The following UBE2F variants were observed in gnomAD, a reference collection of about 807,000 sequenced individuals.
UBE2F encodes NEDD8-conjugating enzyme UBE2F.
UBE2F carries 5 observed loss-of-function variants against 29.6 expected under a neutral mutation model. That is an observed-to-expected ratio of 0.17 (90% CI 0.09 to 0.36). The LOEUF is 0.36. Among genes scored for constraint, UBE2F ranks in the 10% least tolerant of loss-of-function variants. UBE2F has a pLI of 1.00. For synonymous variants in UBE2F, 66 were observed against 81.8 expected (o/e 0.81, Z 1.04); for missense variants, 141 against 228.5 (o/e 0.62, Z 2.47).
At chr2:238,027,068 G>A (rs2064449987) in intron 6 of UBE2F, among the ~76,000 whole-genome samples, 1 of 152,178 alleles carries the variant, frequency 6.6e-6, no homozygotes, top group Admixed American at 6.5e-5. Context: ...TCAGAAATGG[G>A]TCCAGAATAG....
chr2:237,970,852 G>A (rs532783819), intron 1 of UBE2F, among the ~76,000 whole-genome samples: 1 of 152,188 alleles, frequency 6.6e-6, no homozygotes, highest in East Asian at 1.9e-4. Flanking sequence ...GGATTTACAG[G>A]CACCCGCCAC....
Position 237,991,609 on chromosome 2 carries a change from C to CTTTCTTTTTTTTTTTTTTTTTTTT in UBE2F, c.149-3132_149-3131insCTTTTTTTTTTTTTTTTTTTTTTT. Among the ~76,000 whole-genome samples the CTTTCTTTTTTTTTTTTTTTTTTTT allele has an allele frequency of 1.0e-3, 54 of 53,046 alleles. 4 individuals are homozygous for CTTTCTTTTTTTTTTTTTTTTTTTT. The highest frequency in any genetic ancestry group is 3.6e-3 in the East Asian group (4 of 1,102). 34.8% of individuals were successfully genotyped at this position (53,046 alleles called of 152,430 possible). A position where few individuals can be genotyped will look rare whatever the true frequency, so the allele number is the denominator to read the frequency against. ...AACCTTTCTTTTCTTTTCTTTCTTTCTTTTTTTTTTTTTGAGACAGTCTTG... is the reference window on the plus strand; with the variant it reads ...AACCTTTCTTTTCTTTTCTTTCTTTCTTTCTTTTTTTTTTTTTTTTTTTTTTTTTTTTTTTTTGAGACAGTCTTG... On this transcript the variant is annotated intron_variant, in intron 3 of 9. Coordinates refer to ENST00000272930, the MANE Select transcript of UBE2F (RefSeq NM_080678.3).
intron 2 of UBE2F, among the ~76,000 whole-genome samples, chr2:237,985,387 C>A (rs571371093): frequency 8.5e-5 from 13 of 152,076 alleles, no homozygotes; most frequent in Middle Eastern, 3.4e-3. Flanking sequence ...ACTCCCATGC[C>A]CTAGTCACCA....
intron 5 of UBE2F, among the ~76,000 whole-genome samples, chr2:238,017,447 C>T (rs2064183544): frequency 6.6e-6 from 1 of 151,942 alleles, no homozygotes; most frequent in African/African-American, 2.4e-5. Context: ...CAGGTCAACT[C>T]GAGTGAAGAA....
chr2:238,026,579 G>A lies in UBE2F; in HGVS notation c.353+1167G>A, dbSNP rs537762158. ...GTCCCGAGTAGCTGGGACTACAGGC[G>A]CCTACCACTACGCCCGGCTAATTTT... On this transcript the variant is annotated intron_variant, in intron 6 of 9. Transcript: ENST00000272930. Among the ~76,000 whole-genome samples, 14 of 152,172 alleles carry A rather than the reference G, an allele frequency of 9.2e-5. No individual in the cohort carries two copies. In the South Asian group the frequency reaches 1.7e-3, roughly 18 times the overall value.
chr2:238,014,543 A>G (rs145709089), intron 4 of UBE2F, among the ~76,000 whole-genome samples: 238 of 152,360 alleles, frequency 1.6e-3, no homozygotes, highest in African/African-American at 5.3e-3. Context: ...CTGGAAAGCC[A>G]ACTAGAGAAA....
rs895924705 is a variant in UBE2F, at chr2:238,025,230, T to C, written c.283-112T>C. On this transcript the variant is annotated intron_variant, in intron 5 of 9. Transcript: ENST00000272930. The stretch of plus-strand genomic sequence containing the variant: ...GTGTTCAGCGAGTCAAACTGCACAC[T>C]GAGTCAGCCATGAAACAAGCGTCTA... 4.3e-5 allele frequency: 38 copies of C among 888,494 alleles called. No individual in the cohort carries two copies. In the African/African-American group the frequency reaches 4.9e-4, roughly 12 times the overall value. 55.0% of individuals were successfully genotyped at this position (888,494 alleles called of 1,614,324 possible). A position where few individuals can be genotyped will look rare whatever the true frequency, so the allele number is the denominator to read the frequency against.
chr2:238,023,709 A>G (rs1446532455), intron 5 of UBE2F, among the ~76,000 whole-genome samples: 2 of 152,218 alleles, frequency 1.3e-5, no homozygotes, highest in Non-Finnish European at 2.9e-5. Flanking sequence ...GACCTTTCTG[A>G]TGAGATCCTG....
intron 5 of UBE2F, among the ~76,000 whole-genome samples, chr2:238,019,975 T>G (rs917064837): frequency 1.3e-5 from 2 of 152,134 alleles, no homozygotes; most frequent in Non-Finnish European, 1.5e-5. Flanking sequence ...TCCCTTCTCT[T>G]GTTTTCTTCC....
chr2:237,999,500 T>C (rs979750140), intron 4 of UBE2F, among the ~76,000 whole-genome samples: 6 of 152,244 alleles, frequency 3.9e-5, no homozygotes, highest in Non-Finnish European at 8.8e-5. Context: ...CTAGAAGCTT[T>C]AGGATGGTAG....
At chr2:238,002,460 C>T (rs1197452095) in intron 4 of UBE2F, among the ~76,000 whole-genome samples, 2 of 152,126 alleles carry the variant, frequency 1.3e-5, no homozygotes, top group Non-Finnish European at 2.9e-5. Flanking sequence ...TGGTCTCGAC[C>T]TCCTGACCTC....
chr2:238,016,723 C>A, intron 5 of UBE2F, 90 bp downstream of exon 5: 1 of 1,081,856 alleles, frequency 9.2e-7, no homozygotes, highest in Non-Finnish European at 1.4e-6. Context: ...CCCTAGCACT[C>A]CCCTCTGCGT....
At chr2:238,018,186 T>C (rs2064206775) in intron 5 of UBE2F, among the ~76,000 whole-genome samples, 1 of 152,170 alleles carries the variant, frequency 6.6e-6, no homozygotes, top group Non-Finnish European at 1.5e-5. Flanking sequence ...GGGAGGTGGT[T>C]CCAGAGGCTT....
intron 4 of UBE2F, 126 bp downstream of exon 4, chr2:237,994,935 A>T (rs938494972): frequency 7.1e-6 from 5 of 703,170 alleles, no homozygotes; most frequent in Non-Finnish European, 1.2e-5. Context: ...TAACAATTTC[A>T]TATGAAGATA....
chr2:237,978,793 C>G (rs925428667), intron 2 of UBE2F, among the ~76,000 whole-genome samples: 5 of 152,166 alleles, frequency 3.3e-5, no homozygotes, highest in Non-Finnish European at 7.4e-5. Flanking sequence ...GGGTCCAGGC[C>G]TGACTGGAGG....
chr2:237,971,417 G>A (rs1559197011), intron 1 of UBE2F, among the ~76,000 whole-genome samples: 1 of 152,136 alleles, frequency 6.6e-6, no homozygotes, highest in Non-Finnish European at 1.5e-5. Flanking sequence ...CTGCCTCCCG[G>A]CTTCAAGTGA....
chr2:238,041,660 C>T lies in UBE2F; in HGVS notation c.*322C>T, dbSNP rs536084949. The T allele has an allele frequency of 4.6e-6, 1 of 219,346 alleles. No homozygotes were observed. The highest frequency in any genetic ancestry group is 5.7e-5 in the Admixed American group (1 of 17,518). 13.6% of individuals were successfully genotyped at this position (219,346 alleles called of 1,614,324 possible). A position where few individuals can be genotyped will look rare whatever the true frequency, so the allele number is the denominator to read the frequency against. On this transcript the variant is annotated 3_prime_UTR_variant, in exon 10 of 10. Coordinates refer to ENST00000272930, the MANE Select transcript of UBE2F (RefSeq NM_080678.3). ...AGTTGTAATGAACTCAAAATTGAGG[C>T]CAGAGCTTGCTTTCCCTTTTCCCAA...
chr2:237,968,570 G>A (rs983744362), intron 1 of UBE2F, among the ~76,000 whole-genome samples: 1 of 152,192 alleles, frequency 6.6e-6, no homozygotes. Context: ...CTCACCTTGA[G>A]CTGACTGGCC....
At chr2:238,008,168 C>G (rs1219811372) in intron 4 of UBE2F, among the ~76,000 whole-genome samples, 2 of 151,928 alleles carry the variant, frequency 1.3e-5, no homozygotes, top group Non-Finnish European at 2.9e-5. Context: ...ACGGGGGTCT[C>G]ACTATGTTGC....
Sources: gnomAD v4.1 joint callset for allele counts (sites outside exome capture counted in the v4.1 genomes callset) on GRCh38, gnomAD v4.1.1 for gene constraint, MANE v1.5 for transcripts, NCBI Gene and HGNC (gene_info 2026-07-23, HGNC 2026-07-21) for gene names.